AAK1: variants seen among roughly 807,000 people sequenced by gnomAD.
AAK1 encodes the protein AP2-associated protein kinase 1.
AAK1 carries 37 observed loss-of-function variants against 116.0 expected under a neutral mutation model. The ratio of observed to expected loss-of-function variants is 0.32; its 90% CI spans 0.25 to 0.42. The LOEUF is 0.42. Among genes scored for constraint, AAK1 ranks in the 10% least tolerant of loss-of-function variants. The probability of loss-of-function intolerance (pLI) is 1.00; values close to 1 mark genes in which losing one functional copy is unlikely to be tolerated. For synonymous variants in AAK1, 458 were observed against 439.9 expected (o/e 1.04, Z -0.51); for missense variants, 919 against 1,170.6 (o/e 0.79, Z 3.14).
rs948299488 is a variant in AAK1, at chr2:69,470,434, G to T, written c.*5435C>A. 9 of 985,206 alleles carry T rather than the reference G, an allele frequency of 9.1e-6. No homozygotes were observed. Among genetic ancestry groups the T allele is most frequent in the Middle Eastern group, 5.2e-4 (1 of 1,934 alleles). The allele number at this position is 985,206 out of a possible 1,614,324, so 61.0% of individuals were successfully genotyped here. A position where few individuals can be genotyped will look rare whatever the true frequency, so the allele number is the denominator to read the frequency against. On this transcript the variant is annotated 3_prime_UTR_variant, in exon 22 of 22. Transcript: ENST00000409085. ...CTCACATAACAAAATTAAGCATTTG[G>T]TTCCACCATATATTAGGTAGCTGCA...
At chr2:69,509,984 T>C (rs1477583957) in intron 13 of AAK1, among the ~76,000 whole-genome samples, 4 of 152,210 alleles carry the variant, frequency 2.6e-5, no homozygotes, top group African/African-American at 4.8e-5. Context: ...GACCACAGGT[T>C]GGGAGTGAGT....
chr2:69,535,509 T>C (rs1670426814), intron 5 of AAK1, among the ~76,000 whole-genome samples: 1 of 152,116 alleles, frequency 6.6e-6, no homozygotes, highest in Non-Finnish European at 1.5e-5. Flanking sequence ...ATAATTATAC[T>C]TGCCTGGTAG....
intron 5 of AAK1, among the ~76,000 whole-genome samples, chr2:69,536,693 G>A (rs764338370): frequency 7.2e-5 from 11 of 152,180 alleles, no homozygotes; most frequent in African/African-American, 2.4e-4. Context: ...AGTTGTCACT[G>A]TCAAACTCTG....
intron 2 of AAK1, among the ~76,000 whole-genome samples, chr2:69,625,274 A>G (rs1674844002): frequency 6.6e-6 from 1 of 152,180 alleles, no homozygotes; most frequent in African/African-American, 2.4e-5. Flanking sequence ...TTAATTCAGG[A>G]AGGCACATGG....
At chr2:69,551,184 C>T (rs577230365) in intron 3 of AAK1, among the ~76,000 whole-genome samples, 7 of 151,944 alleles carry the variant, frequency 4.6e-5, no homozygotes, top group Non-Finnish European at 7.4e-5. Context: ...TAAATGGGAG[C>T]TAAATGATGA....
chr2:69,587,402 T>C (rs191831347), intron 2 of AAK1, among the ~76,000 whole-genome samples: 1 of 151,734 alleles, frequency 6.6e-6, no homozygotes, highest in African/African-American at 2.4e-5. Flanking sequence ...TGTGTACATA[T>C]ATACACATGT....
chr2:69,605,258 A>G (rs919851585), intron 2 of AAK1, among the ~76,000 whole-genome samples: 1 of 152,124 alleles, frequency 6.6e-6, no homozygotes, highest in Admixed American at 6.5e-5. Context: ...TGTTTCCTCC[A>G]TTCAACAACA....
chr2:69,505,735 G>A, intron 15 of AAK1, 62 bp from the exon 16 acceptor site: 6 of 1,312,190 alleles, frequency 4.6e-6, no homozygotes, highest in Non-Finnish European at 5.4e-6. Flanking sequence ...CACACACATG[G>A]CAGAGGTAAG....
At chr2:69,554,009 G>A (rs1404004120) in intron 3 of AAK1, among the ~76,000 whole-genome samples, 2 of 151,844 alleles carry the variant, frequency 1.3e-5, no homozygotes, top group East Asian at 3.9e-4. Context: ...ACCAGGAGAT[G>A]GCGGCTGCAG....
intron 2 of AAK1, among the ~76,000 whole-genome samples, chr2:69,638,341 C>A (rs1481263853): frequency 1.3e-5 from 2 of 152,214 alleles, no homozygotes; most frequent in Non-Finnish European, 2.9e-5. Flanking sequence ...CCCTTCCCTG[C>A]CTGCTTTTGC....
chr2:69,551,496 A>C (rs1222575471), intron 3 of AAK1, among the ~76,000 whole-genome samples: 5 of 152,230 alleles, frequency 3.3e-5, no homozygotes, highest in Non-Finnish European at 7.3e-5. Context: ...TTTGTAGAAT[A>C]AGAAACCATT....
In AAK1 at chr2:69,599,390, A is replaced by C. The variant is rs542395395; in HGVS notation, c.164-42412T>G. Among the ~76,000 whole-genome samples, 379 of 141,012 alleles carry C rather than the reference A, an allele frequency of 2.7e-3. 5 individuals carry two copies. The highest frequency in any genetic ancestry group is 4.9e-3 in the Non-Finnish European group (310 of 62,810). The allele number at this position is 141,012 out of a possible 152,430, so 92.5% of individuals were successfully genotyped here. A position where few individuals can be genotyped will look rare whatever the true frequency, so the allele number is the denominator to read the frequency against. ...TATATAGTTCTGTGTAAAAAAAAAA[A>C]AAAAAAAACTTCACTGAAATTATAC... On this transcript the variant is annotated intron_variant, in intron 2 of 21. Coordinates refer to ENST00000409085, the MANE Select transcript of AAK1 (RefSeq NM_014911.5).
intron 5 of AAK1, among the ~76,000 whole-genome samples, chr2:69,539,977 T>C (rs914087658): frequency 6.6e-6 from 1 of 152,228 alleles, no homozygotes; most frequent in Non-Finnish European, 1.5e-5. Context: ...AAATATTTCA[T>C]TGGTATCTTC....
intron 2 of AAK1, among the ~76,000 whole-genome samples, chr2:69,591,100 T>C (rs532701649): frequency 1.3e-4 from 20 of 152,384 alleles, no homozygotes; most frequent in Non-Finnish European, 2.5e-4. Context: ...ATTTAAACTG[T>C]AGTTAGAATA....
chr2:69,489,443 T>A (rs1237738442), intron 17 of AAK1, among the ~76,000 whole-genome samples: 1 of 117,964 alleles, frequency 8.5e-6, no homozygotes, highest in Non-Finnish European at 1.7e-5. Context: ...AGAGCGAGAC[T>A]CCGTCTCAAA....
chr2:69,622,836 G>A (rs1464717885), intron 2 of AAK1, among the ~76,000 whole-genome samples: 1 of 152,076 alleles, frequency 6.6e-6, no homozygotes, highest in Non-Finnish European at 1.5e-5. Context: ...ATCTAGTGGG[G>A]ACGTGGAGAA....
At chr2:69,623,489 A>T (rs555291012) in intron 2 of AAK1, among the ~76,000 whole-genome samples, 11 of 152,110 alleles carry the variant, frequency 7.2e-5, no homozygotes, top group Middle Eastern at 3.4e-3. Flanking sequence ...AATCTAACTC[A>T]AGTGCTTTTC....
intron 16 of AAK1, among the ~76,000 whole-genome samples, chr2:69,501,596 C>A (rs530584918): frequency 3.3e-5 from 5 of 152,338 alleles, no homozygotes; most frequent in Admixed American, 6.5e-5. Flanking sequence ...GAAAAACTCA[C>A]AGCCCAAGTA....
At chr2:69,476,490 A>G (rs1199138666) in intron 21 of AAK1, among the ~76,000 whole-genome samples, 1 of 152,230 alleles carries the variant, frequency 6.6e-6, no homozygotes, top group Non-Finnish European at 1.5e-5. Context: ...TTAATGTCAA[A>G]AAGATGTGAA....
Sources: gnomAD v4.1 joint callset for allele counts (sites outside exome capture counted in the v4.1 genomes callset) on GRCh38, gnomAD v4.1.1 for gene constraint, MANE v1.5 for transcripts, NCBI Gene and HGNC (gene_info 2026-07-23, HGNC 2026-07-21) for gene names.